INPP5D: variants seen among roughly 807,000 people sequenced by gnomAD.
INPP5D encodes the protein inositol polyphosphate-5-phosphatase D.
INPP5D carries 33 observed loss-of-function variants against 122.9 expected under a neutral mutation model. The ratio of observed to expected loss-of-function variants is 0.27; its 90% CI spans 0.20 to 0.36. The LOEUF (loss-of-function observed/expected upper bound fraction) is 0.36, where lower values mean the gene tolerates loss of function less well. Among genes scored for constraint, INPP5D ranks in the 10% least tolerant of loss-of-function variants. INPP5D has a pLI of 1.00. For missense variants in INPP5D, 1,053 were observed against 1,412.7 expected, an observed-to-expected ratio of 0.75 and a Z score of 4.08; for synonymous variants, 584 against 576.2, an observed-to-expected ratio of 1.01 and a Z score of -0.19.
At chr2:233,085,330 G>A (rs937067507) in intron 2 of INPP5D, among the ~76,000 whole-genome samples, 21 of 151,532 alleles carry the variant, frequency 1.4e-4, no homozygotes, top group African/African-American at 5.1e-4. Flanking sequence ...AGGCTGCAGC[G>A]AGCTGAGGTC....
chr2:233,163,643 A>T, intron 11 of INPP5D, 64 bp from the exon 12 acceptor site: 3 of 1,605,912 alleles, frequency 1.9e-6, no homozygotes, highest in Non-Finnish European at 2.5e-6. Flanking sequence ...TCTGTTTTGA[A>T]TTCTCCTAAT....
chr2:233,112,669 C>G (rs946555167), intron 2 of INPP5D, among the ~76,000 whole-genome samples: 8 of 152,080 alleles, frequency 5.3e-5, no homozygotes, highest in African/African-American at 7.2e-5. Context: ...CTGTATTTAT[C>G]TATATATCTT....
Position 233,125,803 on chromosome 2 carries a change from C to T in INPP5D, c.408C>T (p.Ser136=). ...LPPRNIPLTA[S]SCEAKEVPFS... ...CAAGAAACATCCCGCTGACTGCCAG[C>T]TCCTGTGAGGCCAAGGAGGTTCCTT... Residue 136 remains serine (S), a synonymous_variant, in exon 4 of 27, where the codon AGC becomes AGT. Coordinates refer to ENST00000445964, the MANE Select transcript of INPP5D (RefSeq NM_001017915.3). 1 of 1,613,974 alleles carries T rather than the reference C, an allele frequency of 6.2e-7. No individual in the cohort carries two copies. Among genetic ancestry groups the T allele is most frequent in the Non-Finnish European group, 8.5e-7 (1 of 1,179,864 alleles).
At chr2:233,135,836 T>G (rs1312602976) in intron 5 of INPP5D, among the ~76,000 whole-genome samples, 2 of 152,050 alleles carry the variant, frequency 1.3e-5, no homozygotes, top group African/African-American at 2.4e-5. Flanking sequence ...TTTCAGAAAT[T>G]TTATAGTCCT....
chr2:233,115,105 G>T (rs1692749721), intron 2 of INPP5D, among the ~76,000 whole-genome samples: 1 of 152,142 alleles, frequency 6.6e-6, no homozygotes, highest in African/African-American at 2.4e-5. Flanking sequence ...GACCTCAGGT[G>T]ATCCGCCCGC....
chr2:233,099,228 C>G (rs866816373), intron 2 of INPP5D, among the ~76,000 whole-genome samples: 3 of 152,146 alleles, frequency 2.0e-5, no homozygotes, highest in Admixed American at 6.5e-5. Context: ...TGGGATCACA[C>G]GTGTGAGCCA....
chr2:233,177,571 A>C lies in INPP5D; in HGVS notation c.2071+225A>C, dbSNP rs1447544276. ...TTAGGAGACATTTGAATTATAGAGC[A>C]CTTTTTTTCTTTTTCTTTTTGAGAC... On this transcript the variant is annotated intron_variant, in intron 18 of 26. Coordinates refer to ENST00000445964, the MANE Select transcript of INPP5D (RefSeq NM_001017915.3). The surrounding 1 kb of genome is among the most constrained non-coding windows in gnomAD (Gnocchi z 4.2). 6.6e-6 allele frequency among the ~76,000 whole-genome samples: 1 copy of C among 152,092 alleles called. No homozygotes were observed. The highest frequency in any genetic ancestry group is 6.6e-5 in the Admixed American group (1 of 15,252).
chr2:233,119,281 A>G (rs1271625421), intron 2 of INPP5D, among the ~76,000 whole-genome samples: 1 of 152,120 alleles, frequency 6.6e-6, no homozygotes, highest in Non-Finnish European at 1.5e-5. Context: ...TGGTATTTTC[A>G]TATTCCTTTT....
At chr2:233,119,960 T>G (rs1442442333) in intron 2 of INPP5D, among the ~76,000 whole-genome samples, 1 of 152,242 alleles carries the variant, frequency 6.6e-6, no homozygotes, top group African/African-American at 2.4e-5. Flanking sequence ...GATATCTGAC[T>G]TGGAGGCGGA....
intron 10 of INPP5D, among the ~76,000 whole-genome samples, chr2:233,159,293 C>T (rs1382913342): frequency 6.6e-6 from 1 of 152,228 alleles, no homozygotes; most frequent in East Asian, 1.9e-4. Context: ...GGGCCAAAAC[C>T]TATCATCGTG....
chr2:233,202,996 G>A (rs1191519234), intron 25 of INPP5D, among the ~76,000 whole-genome samples: 1 of 152,202 alleles, frequency 6.6e-6, no homozygotes, highest in Non-Finnish European at 1.5e-5. Context: ...CTGTGAGTTA[G>A]GAGAGGCTTC....
chr2:233,090,861 GGAA>G (rs1326954429), intron 2 of INPP5D, among the ~76,000 whole-genome samples: 2 of 152,034 alleles, frequency 1.3e-5, no homozygotes, highest in African/African-American at 2.4e-5. Context: ...GGAGGCTGAG[GGAA>G]GAAGAATTGC....
intron 2 of INPP5D, among the ~76,000 whole-genome samples, chr2:233,088,767 C>G (rs576814341): frequency 6.6e-6 from 1 of 152,322 alleles, no homozygotes; most frequent in East Asian, 1.9e-4. Flanking sequence ...TGGCCAAGAG[C>G]TGGGGACACC....
Position 233,138,806 on chromosome 2 carries a change from T to C in INPP5D, c.666-1036T>C, listed in dbSNP as rs535408230. The stretch of plus-strand genomic sequence containing the variant: ...TGTCGCCCAGGCTGGAGTGCAGTGG[T>C]GCGATCTCGGCTCACTGCAAGCTCT... On this transcript the variant is annotated intron_variant, in intron 5 of 26. Transcript: ENST00000445964. 5.3e-5 allele frequency among the ~76,000 whole-genome samples: 8 copies of C among 152,190 alleles called. No homozygotes were observed. In the South Asian group the frequency reaches 1.5e-3, roughly 28 times the overall value.
rs76136362 is a variant in INPP5D at position 233,074,990 on chromosome 2, C to T, written c.135-4345C>T. On this transcript the variant is annotated intron_variant, in intron 1 of 26. Coordinates refer to ENST00000445964, the MANE Select transcript of INPP5D (RefSeq NM_001017915.3). Reference sequence around the variant, plus strand: ...ACGATGATGTTTCTTCCTACTTCCACGGGCTTGTCCTCCCATATTAGAGTA... The same window carrying T: ...ACGATGATGTTTCTTCCTACTTCCATGGGCTTGTCCTCCCATATTAGAGTA... 5.2e-3 allele frequency among the ~76,000 whole-genome samples: 792 copies of T among 152,290 alleles called. 7 individuals carry two copies. The highest frequency in any genetic ancestry group is 0.018 in the African/African-American group (742 of 41,546).
chr2:233,084,860 G>A (rs563608123), intron 2 of INPP5D, among the ~76,000 whole-genome samples: 8 of 152,342 alleles, frequency 5.3e-5, no homozygotes, highest in East Asian at 1.9e-4. Context: ...AAGGGGGTCC[G>A]TGCTGGTGGA....
intron 9 of INPP5D, among the ~76,000 whole-genome samples, chr2:233,157,397 AAG>A: frequency 6.6e-6 from 1 of 152,114 alleles, no homozygotes; most frequent in Middle Eastern, 3.4e-3. Flanking sequence ...TCACATGGAA[AAG>A]AGAGTTATAA....
chr2:233,068,285 C>CAAAAA (rs60089777), intron 1 of INPP5D, among the ~76,000 whole-genome samples: 88 of 127,156 alleles, frequency 6.9e-4, no homozygotes, highest in African/African-American at 2.6e-3. Context: ...AACTCTGTCT[C>CAAAAA]AAAAAAAAAA....
intron 2 of INPP5D, among the ~76,000 whole-genome samples, chr2:233,117,473 G>A (rs1692835126): frequency 6.6e-6 from 1 of 152,182 alleles, no homozygotes; most frequent in Non-Finnish European, 1.5e-5. Flanking sequence ...TTTTTGGCGG[G>A]GGAGGGGATC....
Sources: gnomAD v4.1 joint callset for allele counts (sites outside exome capture counted in the v4.1 genomes callset) on GRCh38, gnomAD v4.1.1 for gene constraint, Gnocchi (gnomAD v3.1) non-coding constraint, MANE v1.5 for transcripts, NCBI Gene and HGNC (gene_info 2026-07-23, HGNC 2026-07-21) for gene names.